ACCSL: variants seen among roughly 807,000 people sequenced by gnomAD.
The protein encoded by ACCSL is 1-aminocyclopropane-1-carboxylate synthase homolog (inactive) like.
A neutral mutation model predicts 61.7 loss-of-function variants in ACCSL; 55 were observed. That is an observed-to-expected ratio of 0.89 (90% confidence interval 0.72 to 1.12). The LOEUF (loss-of-function observed/expected upper bound fraction) is 1.12. Ranked by LOEUF, ACCSL falls within the 50% of genes most tolerant of loss-of-function variation. The pLI, the probability that ACCSL is intolerant of heterozygous loss-of-function variation, is 0.00. For synonymous variants in ACCSL, 258 were observed against 264.3 expected (o/e 0.98, Z 0.23); for missense variants, 632 against 698.0 (o/e 0.91, Z 1.07).
At chr11:43,942,596 G>A in the ACCSL span, 1 of 314,834 alleles carries the variant, frequency 3.2e-6, no homozygotes, top group Non-Finnish European at 6.3e-6. Context: ...CGTGTGGGCA[G>A]CCGCGGGCTA....
intron 1 of ACCSL, 68 bp from the exon 2 acceptor site, chr11:44,049,994 T>C (rs1271072776): frequency 6.3e-7 from 1 of 1,599,820 alleles, no homozygotes. Flanking sequence ...TTTGAACTAA[T>C]GTTTCAAGGG....
At chr11:43,977,510 A>G in the ACCSL span, among the ~76,000 whole-genome samples, 150,127 of 152,282 alleles carry the variant, frequency 0.99, 74,030 homozygotes, top group African/African-American at 1. Flanking sequence ...AGCTGGAAAG[A>G]ACAAGGAAAC....
chr11:44,053,285 T>C (rs1439544079), intron 7 of ACCSL, 121 bp from the exon 8 acceptor site: 7 of 964,714 alleles, frequency 7.3e-6, no homozygotes, highest in Non-Finnish European at 1.1e-5. Context: ...AGTATAGTAG[T>C]TGCTGCTTCA....
the ACCSL span, among the ~76,000 whole-genome samples, chr11:43,980,256 A>G: frequency 2.0e-5 from 3 of 152,206 alleles, no homozygotes; most frequent in African/African-American, 7.2e-5. Context: ...CAATATAGTG[A>G]TGAATATTTT....
the ACCSL span, among the ~76,000 whole-genome samples, chr11:44,014,510 AG>A: frequency 2.0e-5 from 3 of 151,514 alleles, no homozygotes; most frequent in Non-Finnish European, 2.9e-5. Flanking sequence ...AGAGAGAGAG[AG>A]AGAGAGAGAG....
chr11:44,052,679 G>A lies in ACCSL; in HGVS notation c.790G>A (p.Ala264Thr), dbSNP rs1368158106. The stretch of plus-strand genomic sequence containing the variant: ...GTTTCCAGAGGCCTTCCTGGTCCCT[G>A]CTCCCTTCTATGGTGGCTTTGCCTT... ...CDPGEAFLVP[A>T]PFYGGFAFSS... The change falls in exon 6 of 14, where the codon GCT becomes ACT. Residue 264 changes from alanine (A) to threonine (T), a missense_variant. Ala to Thr is a moderately conservative substitution (Grantham distance 58). Transcript: ENST00000378832. 6 of 1,614,022 alleles carry A rather than the reference G, an allele frequency of 3.7e-6. No homozygotes were observed. The highest frequency in any genetic ancestry group is 3.3e-5 in the Admixed American group (2 of 60,006).
chr11:43,989,039 C>T, the ACCSL span, among the ~76,000 whole-genome samples: 1 of 152,160 alleles, frequency 6.6e-6, no homozygotes, highest in East Asian at 1.9e-4. Context: ...ATCACAAACT[C>T]GGTTTTCTTC....
chr11:43,987,526 G>A, the ACCSL span, among the ~76,000 whole-genome samples: 1 of 152,178 alleles, frequency 6.6e-6, no homozygotes, highest in African/African-American at 2.4e-5. Context: ...TTGGCCTGTG[G>A]TCAGTGTCCA....
chr11:43,928,341 C>T, the ACCSL span, among the ~76,000 whole-genome samples: 1 of 152,102 alleles, frequency 6.6e-6, no homozygotes, highest in South Asian at 2.1e-4. Flanking sequence ...CTGGTAACAC[C>T]CCTTCTTCCC....
the ACCSL span, among the ~76,000 whole-genome samples, chr11:44,011,297 T>C: frequency 6.6e-6 from 1 of 152,178 alleles, no homozygotes; most frequent in Non-Finnish European, 1.5e-5. Context: ...GCTCCAGTAC[T>C]TCTCCCCAGC....
At chr11:43,994,752 C>T in the ACCSL span, among the ~76,000 whole-genome samples, 1 of 152,082 alleles carries the variant, frequency 6.6e-6, no homozygotes, top group African/African-American at 2.4e-5. Flanking sequence ...CCCACCTCTA[C>T]CTCCTGAGTA....
the ACCSL span, among the ~76,000 whole-genome samples, chr11:43,939,990 C>T: frequency 1.3e-5 from 2 of 152,112 alleles, no homozygotes; most frequent in South Asian, 2.1e-4. Context: ...TCAGGGAAAT[C>T]CCAAATGTGA....
At position 44,052,729 on chromosome 11, in the gene ACCSL, T is replaced by C; in HGVS notation, c.840T>C (p.Val280=). ...FAFSSRLYAK[V]ELIPVHLESE... ...TTAGCTCCCGCCTGTATGCAAAGGT[T>C]GAGTTGATTCCTGTCCACCTGGAGA... The change falls in exon 6 of 14, where the codon GTT becomes GTC. Residue 280 remains valine, a synonymous_variant. Coordinates refer to ENST00000378832, the MANE Select transcript of ACCSL (RefSeq NM_001031854.2). 6.2e-7 allele frequency: 1 copy of C among 1,614,102 alleles called. No individual in the cohort carries two copies. The highest frequency in any genetic ancestry group is 8.5e-7 in the Non-Finnish European group (1 of 1,180,006).
chr11:44,046,313 G>T (rs1952596916), upstream of ACCSL, among the ~76,000 whole-genome samples: 1 of 152,204 alleles, frequency 6.6e-6, no homozygotes, highest in South Asian at 2.1e-4. Flanking sequence ...ACTTGATACA[G>T]CTTTGTTCTG....
chr11:43,921,360 A>G, the ACCSL span, among the ~76,000 whole-genome samples: 1 of 152,156 alleles, frequency 6.6e-6, no homozygotes, highest in Non-Finnish European at 1.5e-5. Context: ...CTGCCCTTTT[A>G]AAAAACAAAA....
the ACCSL span, among the ~76,000 whole-genome samples, chr11:43,954,523 C>A: frequency 5.3e-5 from 8 of 151,874 alleles, no homozygotes; most frequent in Non-Finnish European, 1.2e-4. Flanking sequence ...TTACCCTAAT[C>A]TTTTATTATG....
chr11:44,031,186 A>G, the ACCSL span, among the ~76,000 whole-genome samples: 1 of 152,150 alleles, frequency 6.6e-6, no homozygotes. Flanking sequence ...ATTCCATGAG[A>G]TAATGTGTGT....
At chr11:43,925,216 T>A in the ACCSL span, 2 of 364,928 alleles carry the variant, frequency 5.5e-6, no homozygotes, top group South Asian at 4.0e-5. Flanking sequence ...CCCGTGCACA[T>A]ACTGCCCTTT....
the ACCSL span, among the ~76,000 whole-genome samples, chr11:43,932,646 T>A: frequency 6.6e-6 from 1 of 152,202 alleles, no homozygotes; most frequent in Non-Finnish European, 1.5e-5. Flanking sequence ...CGTGCCCTCA[T>A]GCTGTTACCC....
Sources: allele counts gnomAD v4.1 joint callset (sites outside exome capture counted in the v4.1 genomes callset), GRCh38; gene constraint gnomAD v4.1.1; transcripts MANE v1.5; gene names NCBI Gene and HGNC (gene_info 2026-07-23, HGNC 2026-07-21).